LAMA2: variants seen among roughly 807,000 people sequenced by gnomAD.
LAMA2 encodes the protein laminin subunit alpha-2.
Under a neutral mutation model 364.8 loss-of-function variants are expected in LAMA2, and 269 were observed. That is an observed-to-expected ratio of 0.74 (90% CI 0.67 to 0.82). The LOEUF (loss-of-function observed/expected upper bound fraction) is 0.82, where lower values mean the gene tolerates loss of function less well. Among genes scored for constraint, LAMA2 ranks in the 40% least tolerant of loss-of-function variants. The pLI is 0.00. For synonymous variants in LAMA2, 1,379 were observed against 1,370.6 expected, an observed-to-expected ratio of 1.01 and a Z score of -0.14; for missense variants, 3,807 against 3,873.2, an observed-to-expected ratio of 0.98 and a Z score of 0.45.
intron 1 of LAMA2, among the ~76,000 whole-genome samples, chr6:129,015,688 T>C (rs546954230): frequency 6.4e-4 from 97 of 152,190 alleles, no homozygotes; most frequent in African/African-American, 2.2e-3. Context: ...AAACAAAGAA[T>C]TTCTTTTTAT....
chr6:129,056,813 C>G (rs888445175), intron 2 of LAMA2, among the ~76,000 whole-genome samples: 2 of 152,128 alleles, frequency 1.3e-5, no homozygotes, highest in Admixed American at 1.3e-4. Flanking sequence ...TCACTGCAAC[C>G]TCTACCTCCT....
Position 129,440,832 on chromosome 6 carries a change from G to A in LAMA2, c.6102G>A (p.Leu2034=). 1 of 1,613,730 alleles carries A rather than the reference G, an allele frequency of 6.2e-7. No homozygotes were observed. The highest frequency in any genetic ancestry group is 8.5e-7 in the Non-Finnish European group (1 of 1,179,754). ...TGCTGACAGATACAGCTGCTAAACT[G>A]CAAGCTGTTAAGGACAAAGCCAGAC... ...SAIPNDTAAK[L]QAVKDKARQA... Residue 2034 remains leucine, a synonymous_variant, in exon 43 of 65, where the codon CTG becomes CTA. Transcript: ENST00000421865.
At chr6:129,013,781 G>A (rs1461886356) in intron 1 of LAMA2, among the ~76,000 whole-genome samples, 2 of 151,932 alleles carry the variant, frequency 1.3e-5, no homozygotes, top group Admixed American at 6.6e-5. Flanking sequence ...TTCTCTATAT[G>A]AGAATAGAGA....
At chr6:129,330,598 GTTTTTT>G (rs1554273762) in intron 29 of LAMA2, among the ~76,000 whole-genome samples, 2 of 88,680 alleles carry the variant, frequency 2.3e-5, no homozygotes, top group African/African-American at 3.9e-5. Flanking sequence ...TTTGGTTTTT[GTTTTTT>G]TTTTTTTTTT....
intron 3 of LAMA2, among the ~76,000 whole-genome samples, chr6:129,092,062 C>CT (rs1039761920): frequency 5.9e-5 from 9 of 152,182 alleles, no homozygotes; most frequent in African/African-American, 2.2e-4. Flanking sequence ...TTTCAGCCCA[C>CT]TTTTCACCTC....
intron 30 of LAMA2, among the ~76,000 whole-genome samples, chr6:129,345,033 GA>G (rs932292827): frequency 4.1e-4 from 62 of 152,328 alleles, no homozygotes; most frequent in African/African-American, 1.4e-3. Flanking sequence ...AAAGGATTTA[GA>G]AATGCTGGCT....
At chr6:129,345,854 G>A (rs769880024) in intron 30 of LAMA2, among the ~76,000 whole-genome samples, 1 of 152,088 alleles carries the variant, frequency 6.6e-6, no homozygotes, top group Non-Finnish European at 1.5e-5. Flanking sequence ...ACAAAGTGAA[G>A]ACCTATAAAT....
chr6:129,261,694 T>A (rs1787146871), intron 15 of LAMA2, among the ~76,000 whole-genome samples: 1 of 152,130 alleles, frequency 6.6e-6, no homozygotes. Flanking sequence ...ACTCTAGGCA[T>A]TGCTTTGTCA....
intron 4 of LAMA2, among the ~76,000 whole-genome samples, chr6:129,141,019 G>A (rs1288074233): frequency 6.6e-6 from 1 of 151,968 alleles, no homozygotes; most frequent in Non-Finnish European, 1.5e-5. Context: ...TCTTCATACG[G>A]CACAAACATG....
intron 15 of LAMA2, among the ~76,000 whole-genome samples, chr6:129,263,548 A>G (rs1490973756): frequency 2.6e-5 from 4 of 152,138 alleles, no homozygotes; most frequent in Admixed American, 2.6e-4. Context: ...AGGACTGGAA[A>G]GAAGGAGCGT....
At chr6:129,190,878 G>A (rs367963240) in intron 11 of LAMA2, among the ~76,000 whole-genome samples, 19 of 152,128 alleles carry the variant, frequency 1.2e-4, no homozygotes, top group East Asian at 3.9e-4. Context: ...CTATTTAATA[G>A]CAACTGAAAT....
intron 30 of LAMA2, among the ~76,000 whole-genome samples, chr6:129,347,279 G>C (rs1317409509): frequency 1.3e-5 from 2 of 152,112 alleles, no homozygotes; most frequent in Non-Finnish European, 2.9e-5. Context: ...CTGTTGACTG[G>C]GATGGGGAAA....
At chr6:129,238,001 TACA>T (rs1257864359) in intron 12 of LAMA2, among the ~76,000 whole-genome samples, 1 of 49,098 alleles carries the variant, frequency 2.0e-5, no homozygotes, top group East Asian at 3.8e-4. Flanking sequence ...TTACTAAAAA[TACA>T]AAAAAAAAAA....
chr6:128,946,690 A>G (rs548330333), intron 1 of LAMA2, among the ~76,000 whole-genome samples: 1 of 152,286 alleles, frequency 6.6e-6, no homozygotes, highest in African/African-American at 2.4e-5. Context: ...CTTGATTTGA[A>G]AAAGGATTGG....
chr6:129,201,095 T>C (rs1455181221), intron 12 of LAMA2, among the ~76,000 whole-genome samples: 1 of 151,998 alleles, frequency 6.6e-6, no homozygotes, highest in African/African-American at 2.4e-5. Context: ...GGAACAACAG[T>C]TTTTAGACAC....
At chr6:128,891,203 A>C (rs2114384321) in intron 1 of LAMA2, among the ~76,000 whole-genome samples, 1 of 152,258 alleles carries the variant, frequency 6.6e-6, no homozygotes, top group South Asian at 2.1e-4. Flanking sequence ...AGTTGCCTTG[A>C]CAAATGATTA....
At chr6:129,339,676 A>G (rs1033412668) in intron 29 of LAMA2, among the ~76,000 whole-genome samples, 6 of 152,186 alleles carry the variant, frequency 3.9e-5, no homozygotes, top group Non-Finnish European at 5.9e-5. Flanking sequence ...GAGTAGCCGC[A>G]GAAGTAGGAG....
intron 1 of LAMA2, among the ~76,000 whole-genome samples, chr6:128,950,931 T>A (rs528060707): frequency 2.5e-4 from 38 of 152,314 alleles, no homozygotes; most frequent in Non-Finnish European, 2.9e-5. Context: ...TTGGTTTATC[T>A]GAAACATTCA....
At chr6:129,409,098 C>G (rs2114707195) in intron 40 of LAMA2, among the ~76,000 whole-genome samples, 1 of 152,300 alleles carries the variant, frequency 6.6e-6, no homozygotes, top group African/African-American at 2.4e-5. Context: ...CACATCTGGC[C>G]ATTTCTTCTT....
Sources: allele counts gnomAD v4.1 joint callset (sites outside exome capture counted in the v4.1 genomes callset), GRCh38; gene constraint gnomAD v4.1.1; transcripts MANE v1.5; gene names NCBI Gene and HGNC (gene_info 2026-07-23, HGNC 2026-07-21).